ZC3HC1: variants seen among roughly 807,000 people sequenced by gnomAD.
ZC3HC1 encodes the protein zinc finger C3HC-type protein 1.
ZC3HC1 carries 38 observed loss-of-function variants against 61.9 expected under a neutral mutation model. The observed-to-expected ratio is 0.61, with a 90% CI of 0.47 to 0.81. The LOEUF (loss-of-function observed/expected upper bound fraction) is 0.81, where lower values mean the gene tolerates loss of function less well. Among genes scored for constraint, ZC3HC1 ranks in the 30% least tolerant of loss-of-function variants. The pLI, the probability that ZC3HC1 is intolerant of heterozygous loss-of-function variation, is 0.00. For synonymous variants in ZC3HC1, 213 were observed against 229.9 expected (o/e 0.93, Z 0.67); for missense variants, 554 against 622.7 (o/e 0.89, Z 1.17).
At chr7:130,020,265 C>T (rs1793577995) in intron 9 of ZC3HC1, among the ~76,000 whole-genome samples, 1 of 151,094 alleles carries the variant, frequency 6.6e-6, no homozygotes, top group African/African-American at 2.4e-5. Flanking sequence ...AAATAGTATA[C>T]ACTTTTTTCT....
At chr7:130,036,475 T>C (rs926582024) in intron 4 of ZC3HC1, among the ~76,000 whole-genome samples, 1 of 151,918 alleles carries the variant, frequency 6.6e-6, no homozygotes, top group Non-Finnish European at 1.5e-5. Context: ...GGCAGGAGAA[T>C]TGCCTGAACC....
intron 5 of ZC3HC1, among the ~76,000 whole-genome samples, 173 bp downstream of exon 5, chr7:130,028,729 C>G (rs895607505): frequency 2.6e-5 from 4 of 152,074 alleles, no homozygotes; most frequent in African/African-American, 9.7e-5. Context: ...CCTAAACATT[C>G]AAATGGAACT....
In ZC3HC1 at chr7:130,023,629, G is replaced by C. The variant is rs886201566; in HGVS notation, c.1115C>G (p.Thr372Ser). 1 of 1,614,174 alleles carries C rather than the reference G, an allele frequency of 6.2e-7. No individual in the cohort carries two copies. The highest frequency in any genetic ancestry group is 1.1e-5 in the South Asian group (1 of 91,080). Reference sequence around the variant, plus strand: ...TCGGGTCACTGGGCGAGTTCTGGTGGTGGGGCTAGCAGCCTCTGGCTCAGG... The same window carrying C: ...TCGGGTCACTGGGCGAGTTCTGGTGCTGGGGCTAGCAGCCTCTGGCTCAGG... Reference protein sequence around the residue: ...DRPEPEAASPTTRTRPVTRSM... With the variant: ...DRPEPEAASPSTRTRPVTRSM... The change falls in exon 8 of 10, where the codon ACC (threonine) becomes AGC (serine). Residue 372 changes from threonine to serine, a missense_variant. Coordinates refer to ENST00000358303, the MANE Select transcript of ZC3HC1 (RefSeq NM_016478.5). The surrounding 1 kb of genome is among the most constrained non-coding windows in gnomAD (Gnocchi z 4.2).
At chr7:130,042,245 G>A (rs1336602462) in intron 2 of ZC3HC1, among the ~76,000 whole-genome samples, 1 of 148,608 alleles carries the variant, frequency 6.7e-6, no homozygotes, top group Non-Finnish European at 1.5e-5. Context: ...CAAGGCCACA[G>A]TAAGATACGA....
chr7:130,035,915 C>T (rs1457880144), intron 4 of ZC3HC1, among the ~76,000 whole-genome samples: 1 of 152,190 alleles, frequency 6.6e-6, no homozygotes, highest in Non-Finnish European at 1.5e-5. Context: ...ACTTTGAAGT[C>T]TCCTCTTATG....
At chr7:130,018,880 G>C in intron 9 of ZC3HC1, 148 bp from the exon 10 acceptor site, 1 of 619,478 alleles carries the variant, frequency 1.6e-6, no homozygotes, top group Non-Finnish European at 2.7e-6. Context: ...CCTAAAGTCA[G>C]ACTAAAGATC....
At position 130,051,168 on chromosome 7, in the gene ZC3HC1, C is replaced by G. The variant is rs1004310085; in HGVS notation, c.146+53G>C. The G allele has an allele frequency of 5.5e-5, 85 of 1,559,340 alleles. No individual in the cohort carries two copies. The African/African-American group carries it at 1.1e-3, about 19-fold the overall frequency. On this transcript the variant is annotated intron_variant, in intron 1 of 9. Transcript: ENST00000358303. The stretch of plus-strand genomic sequence containing the variant: ...CTCCCCCAACCCGCCACCCCTTCCC[C>G]AAGCCTTCTTCAATCTTCCAACGCC...
At chr7:130,032,702 G>A in intron 4 of ZC3HC1, among the ~76,000 whole-genome samples, 1 of 124,682 alleles carries the variant, frequency 8.0e-6, no homozygotes, top group Non-Finnish European at 1.7e-5. Context: ...AGGAAGGAAG[G>A]AAGGAAGGAA....
At chr7:130,049,875 A>G (rs1220513978) in intron 1 of ZC3HC1, among the ~76,000 whole-genome samples, 1 of 151,664 alleles carries the variant, frequency 6.6e-6, no homozygotes, top group Admixed American at 6.6e-5. Flanking sequence ...ACAGCAGAAA[A>G]AACAATTTTG....
chr7:130,045,412 C>T (rs1485032983), intron 2 of ZC3HC1: 4 of 450,512 alleles, frequency 8.9e-6, no homozygotes, highest in African/African-American at 4.0e-5. Flanking sequence ...AGTCTCTGCT[C>T]CTTTCACAGA....
Position 130,023,642 on chromosome 7 carries a change from C to T in ZC3HC1, c.1102G>A (p.Ala368Thr). The change falls in exon 8 of 10, where the codon GCT becomes ACT. Residue 368 changes from alanine to threonine, a missense_variant. Physicochemically the swap from Ala to Thr is moderately conservative, Grantham distance 58 (BLOSUM62 0). Transcript: ENST00000358303. This position sits in a 1 kb window ranked among gnomAD's most constrained non-coding sequence, Gnocchi z 4.2. ...SSPVDRPEPE[A>T]ASPTTRTRPV... ...CGAGTTCTGGTGGTGGGGCTAGCAGCCTCTGGCTCAGGACGGTCAACAGGA... is the reference window on the plus strand; with the variant it reads ...CGAGTTCTGGTGGTGGGGCTAGCAGTCTCTGGCTCAGGACGGTCAACAGGA... 1 of 1,614,150 alleles carries T rather than the reference C, an allele frequency of 6.2e-7. No individual in the cohort carries two copies. Among genetic ancestry groups the T allele is most frequent in the Non-Finnish European group, 8.5e-7 (1 of 1,180,014 alleles).
chr7:130,051,145 C>A, intron 1 of ZC3HC1, 76 bp downstream of exon 1: 2 of 1,522,248 alleles, frequency 1.3e-6, no homozygotes, highest in Non-Finnish European at 1.8e-6. Context: ...AGGGGAACCT[C>A]CCCCAACCCG....
At chr7:130,021,025 A>G (rs1392894028) in intron 9 of ZC3HC1, among the ~76,000 whole-genome samples, 3 of 151,810 alleles carry the variant, frequency 2.0e-5, no homozygotes, top group South Asian at 2.1e-4. Flanking sequence ...AGCCTCCCCA[A>G]TAGCTGGGAT....
rs767317579 is a variant in ZC3HC1 at position 130,051,345 on chromosome 7, G to A, written c.22C>T (p.Gln8Ter). 1.9e-6 allele frequency: 3 copies of A among 1,612,966 alleles called. No homozygotes were observed. Among genetic ancestry groups the A allele is most frequent in the Non-Finnish European group, 2.5e-6 (3 of 1,179,474 alleles). Residue 8 changes from glutamine to a stop codon, truncating the protein, a stop_gained, in exon 1 of 10, where the codon CAA (glutamine) becomes TAA (stop). Transcript: ENST00000358303. LOFTEE classifies it high-confidence loss of function. The part of the protein sequence containing the change: MAAPCEG[Q>*]AFAVGVEKNW... ...TTTTCAACCCCTACGGCAAACGCTT[G>A]TCCCTCACAGGGCGCCGCCATCTTG...
intron 4 of ZC3HC1, among the ~76,000 whole-genome samples, chr7:130,033,106 C>T (rs934314923): frequency 6.6e-6 from 1 of 152,054 alleles, no homozygotes. Flanking sequence ...AATCATGGCT[C>T]GCCACAGCCT....
intron 8 of ZC3HC1, chr7:130,022,965 T>C (rs1351811326): frequency 9.7e-6 from 2 of 205,442 alleles, no homozygotes. Flanking sequence ...GGGCTCCTTA[T>C]GAGAGTCTGA....
chr7:130,040,012 G>A (rs1352659415), intron 3 of ZC3HC1, among the ~76,000 whole-genome samples: 1 of 151,288 alleles, frequency 6.6e-6, no homozygotes, highest in Non-Finnish European at 1.5e-5. Context: ...GAGCCACTGC[G>A]CCCGGCCCCC....
At position 130,045,241 on chromosome 7, in the gene ZC3HC1, G is replaced by T. The variant is rs77960409; in HGVS notation, c.258+3792C>A. The T allele has an allele frequency of 6.1e-3, 1,138 of 186,970 alleles. 14 individuals are homozygous for T. Among genetic ancestry groups the T allele is most frequent in the African/African-American group, 0.025 (1,080 of 43,056 alleles). The allele number at this position is 186,970 out of a possible 1,614,324, so 11.6% of individuals were successfully genotyped here. A position where few individuals can be genotyped will look rare whatever the true frequency, so the allele number is the denominator to read the frequency against. On this transcript the variant is annotated intron_variant, in intron 2 of 9. Transcript: ENST00000358303. ...ACTTTCAAATAGCTCAGGGAAAAAA[G>T]GTTCTTTGTAATCTCTGCAACCTTT...
chr7:130,047,638 T>TACACACAC lies in ZC3HC1; in HGVS notation c.258+1387_258+1394dup, dbSNP rs34052360. Among the ~76,000 whole-genome samples the TACACACAC allele has an allele frequency of 7.4e-3, 1,029 of 138,194 alleles. 6 individuals carry two copies. Among genetic ancestry groups the TACACACAC allele is most frequent in the Non-Finnish European group, 8.9e-3 (574 of 64,616 alleles). 90.7% of individuals were successfully genotyped at this position (138,194 alleles called of 152,430 possible). ...CTGGGCAACATAGCAAGACTTTGTC[T>TACACACAC]ACACACACACACACACACACACACA... On this transcript the variant is annotated intron_variant, in intron 2 of 9. Coordinates refer to ENST00000358303, the MANE Select transcript of ZC3HC1 (RefSeq NM_016478.5).
Sources: allele counts gnomAD v4.1 joint callset (sites outside exome capture counted in the v4.1 genomes callset), GRCh38; gene constraint gnomAD v4.1.1; non-coding constraint Gnocchi (gnomAD v3.1); transcripts MANE v1.5; gene names NCBI Gene and HGNC (gene_info 2026-07-23, HGNC 2026-07-21).